The following PPP1R14C variants were observed in gnomAD, a reference collection of about 807,000 sequenced individuals.
PPP1R14C encodes protein phosphatase 1 regulatory subunit 14C.
PPP1R14C carries 16 observed loss-of-function variants against 20.4 expected under a neutral mutation model. The observed-to-expected ratio is 0.78, with a 90% CI of 0.53 to 1.19. The LOEUF is 1.19. PPP1R14C is among the 50% of genes most tolerant of loss of function. The pLI, the probability that PPP1R14C is intolerant of heterozygous loss-of-function variation, is 0.00. For missense variants in PPP1R14C, 211 were observed against 220.1 expected (o/e 0.96, Z 0.26); for synonymous variants, 91 against 91.0 (o/e 1.00, Z 0.00).
chr6:150,197,274 C>T (rs988516480), intron 1 of PPP1R14C, among the ~76,000 whole-genome samples: 3 of 152,222 alleles, frequency 2.0e-5, no homozygotes, highest in African/African-American at 7.2e-5. Flanking sequence ...GCGGCACTTC[C>T]CTGCACCTGC....
chr6:150,175,306 C>T (rs1482542867), intron 1 of PPP1R14C, among the ~76,000 whole-genome samples: 2 of 152,070 alleles, frequency 1.3e-5, no homozygotes, highest in Non-Finnish European at 2.9e-5. Flanking sequence ...GGAAGGGGCC[C>T]CCACTCTGAG....
chr6:150,187,346 A>T (rs1275177210), intron 1 of PPP1R14C, among the ~76,000 whole-genome samples: 1 of 150,924 alleles, frequency 6.6e-6, no homozygotes, highest in Admixed American at 6.7e-5. Flanking sequence ...AAGTTTTGTT[A>T]TATATGTAAA....
At chr6:150,220,562 G>T (rs142882299) in intron 3 of PPP1R14C, among the ~76,000 whole-genome samples, 33 of 152,372 alleles carry the variant, frequency 2.2e-4, no homozygotes, top group Non-Finnish European at 3.8e-4. Flanking sequence ...GGAAGGGGTT[G>T]CTGCAGAGAG....
At chr6:150,163,600 A>T (rs1777394395) in intron 1 of PPP1R14C, among the ~76,000 whole-genome samples, 2 of 151,938 alleles carry the variant, frequency 1.3e-5, no homozygotes. Context: ...AGGTCATCTG[A>T]TTAATTTTAC....
chr6:150,161,437 T>A (rs569974157), intron 1 of PPP1R14C, among the ~76,000 whole-genome samples: 93 of 152,336 alleles, frequency 6.1e-4, no homozygotes, highest in African/African-American at 2.2e-3. Flanking sequence ...CTACAAATAT[T>A]TCCATTTGTA....
chr6:150,180,341 T>C (rs972120005), intron 1 of PPP1R14C, among the ~76,000 whole-genome samples: 11 of 152,226 alleles, frequency 7.2e-5, no homozygotes, highest in African/African-American at 2.4e-4. Flanking sequence ...TTGGTACAAG[T>C]GTTGGCCTCA....
chr6:150,196,546 A>T (rs961486602), intron 1 of PPP1R14C, among the ~76,000 whole-genome samples: 3 of 151,854 alleles, frequency 2.0e-5, no homozygotes, highest in Non-Finnish European at 2.9e-5. Flanking sequence ...CTCTGGGGAG[A>T]GGCTTAACCA....
rs567490614 is a variant in PPP1R14C, at chr6:150,249,348, A to G, written c.*528A>G. 140 of 399,032 alleles carry G rather than the reference A, an allele frequency of 3.5e-4. No homozygotes were observed. The highest frequency in any genetic ancestry group is 5.6e-4 in the Non-Finnish European group (127 of 226,120). The allele number at this position is 399,032 out of a possible 1,614,324, so 24.7% of individuals were successfully genotyped here. ...GTCCTTTAACTGGAGGTCCCAGCAC[A>G]TGTGTTTTCAAGAGGCCACTAGGCA... On this transcript the variant is annotated 3_prime_UTR_variant, in exon 4 of 4. Coordinates refer to ENST00000361131, the MANE Select transcript of PPP1R14C (RefSeq NM_030949.3).
chr6:150,157,831 G>A (rs573884266), intron 1 of PPP1R14C, among the ~76,000 whole-genome samples: 1 of 152,294 alleles, frequency 6.6e-6, no homozygotes, highest in South Asian at 2.1e-4. Flanking sequence ...AGGCCCAGAG[G>A]GCGGAGTCTC....
chr6:150,228,144 C>T (rs903209483), intron 3 of PPP1R14C, among the ~76,000 whole-genome samples: 1 of 152,162 alleles, frequency 6.6e-6, no homozygotes, highest in East Asian at 1.9e-4. Flanking sequence ...TGAGGAAAAT[C>T]AACCCAGAAA....
chr6:150,172,089 T>C (rs1345580394), intron 1 of PPP1R14C, among the ~76,000 whole-genome samples: 1 of 152,184 alleles, frequency 6.6e-6, no homozygotes, highest in African/African-American at 2.4e-5. Context: ...ATTACAGGTG[T>C]GAGCCACTGC....
chr6:150,153,080 G>A (rs896970735), intron 1 of PPP1R14C, among the ~76,000 whole-genome samples: 3 of 152,210 alleles, frequency 2.0e-5, no homozygotes, highest in African/African-American at 7.2e-5. Context: ...CCAGGAGGAG[G>A]ATGCTGGCAC....
intron 1 of PPP1R14C, chr6:150,196,216 T>C: frequency 2.1e-5 from 15 of 699,934 alleles, no homozygotes; most frequent in Non-Finnish European, 2.6e-5. Flanking sequence ...TTATGGTCAT[T>C]GAGGGCAACT....
chr6:150,182,576 T>C (rs1434856035), intron 1 of PPP1R14C, among the ~76,000 whole-genome samples: 1 of 152,148 alleles, frequency 6.6e-6, no homozygotes, highest in African/African-American at 2.4e-5. Flanking sequence ...CTATGTGAAT[T>C]TTGGGGGACA....
intron 3 of PPP1R14C, among the ~76,000 whole-genome samples, chr6:150,237,534 G>A (rs926672307): frequency 1.3e-5 from 2 of 152,142 alleles, no homozygotes; most frequent in African/African-American, 2.4e-5. Context: ...TGAATTTGTA[G>A]ACTGGAAAGT....
intron 3 of PPP1R14C, among the ~76,000 whole-genome samples, chr6:150,231,645 CA>C (rs1778297792): frequency 6.6e-6 from 1 of 152,182 alleles, no homozygotes; most frequent in Non-Finnish European, 1.5e-5. Context: ...GCTAGGAAGA[CA>C]AAGATGAGTA....
chr6:150,238,136 A>G (rs1479895695), intron 3 of PPP1R14C, among the ~76,000 whole-genome samples: 3 of 152,126 alleles, frequency 2.0e-5, no homozygotes, highest in Non-Finnish European at 4.4e-5. Flanking sequence ...TGGACCCAGG[A>G]TCTCTTAGGT....
chr6:150,214,576 TTC>T (rs1035447350), intron 1 of PPP1R14C, among the ~76,000 whole-genome samples, 166 bp from the exon 2 acceptor site: 1 of 151,648 alleles, frequency 6.6e-6, no homozygotes, highest in Non-Finnish European at 1.5e-5. Context: ...GTTTCCCCTT[TTC>T]TCTCTTTCCT....
chr6:150,234,196 C>T (rs1336545621), intron 3 of PPP1R14C, among the ~76,000 whole-genome samples: 1 of 152,142 alleles, frequency 6.6e-6, no homozygotes, highest in Non-Finnish European at 1.5e-5. Flanking sequence ...CTGCTATACA[C>T]TCACTAGAAT....
Sources: gnomAD v4.1 joint callset for allele counts (sites outside exome capture counted in the v4.1 genomes callset) on GRCh38, gnomAD v4.1.1 for gene constraint, MANE v1.5 for transcripts, NCBI Gene and HGNC (gene_info 2026-07-23, HGNC 2026-07-21) for gene names.